PSMG2: variants seen among roughly 807,000 people sequenced by gnomAD.
The protein encoded by PSMG2 is proteasome assembly chaperone 2.
A neutral mutation model predicts 31.5 loss-of-function variants in PSMG2; 21 were observed. The observed-to-expected ratio is 0.67, with a 90% CI of 0.47 to 0.96. The LOEUF (loss-of-function observed/expected upper bound fraction) is 0.96. PSMG2 is among the 40% of genes least tolerant of loss of function. The probability of loss-of-function intolerance (pLI) is 0.00; values close to 1 mark genes in which losing one functional copy is unlikely to be tolerated. For synonymous variants in PSMG2, 120 were observed against 110.4 expected, an observed-to-expected ratio of 1.09 and a Z score of -0.54; for missense variants, 318 against 321.2, an observed-to-expected ratio of 0.99 and a Z score of 0.08.
intron 1 of PSMG2, among the ~76,000 whole-genome samples, chr18:12,666,902 T>C (rs2038815635): frequency 6.6e-6 from 1 of 152,152 alleles, no homozygotes; most frequent in Non-Finnish European, 1.5e-5. Context: ...TTTATTAATA[T>C]ATTGACAAAA....
chr18:12,672,721 A>G (rs1337126855), intron 1 of PSMG2: 1 of 969,754 alleles, frequency 1.0e-6, no homozygotes, highest in Non-Finnish European at 1.2e-6. Context: ...ACAACAAATC[A>G]CAGTGATAAA....
chr18:12,695,961 G>A (rs1452598748), intron 1 of PSMG2, among the ~76,000 whole-genome samples: 1 of 151,894 alleles, frequency 6.6e-6, no homozygotes, highest in African/African-American at 2.4e-5. Flanking sequence ...ATTACAGGCT[G>A]AGTAGAAATT....
chr18:12,696,001 G>C (rs181485577), intron 1 of PSMG2, among the ~76,000 whole-genome samples: 36 of 152,148 alleles, frequency 2.4e-4, no homozygotes, highest in Admixed American at 2.0e-4. Context: ...TAAAGAACTA[G>C]AAAACAAATA....
chr18:12,665,505 T>C (rs1715619275), intron 1 of PSMG2, among the ~76,000 whole-genome samples: 1 of 152,190 alleles, frequency 6.6e-6, no homozygotes, highest in Admixed American at 6.5e-5. Context: ...GTCTTTCCCT[T>C]ATGTGCCATA....
intron 1 of PSMG2, among the ~76,000 whole-genome samples, chr18:12,681,690 C>G (rs183848286): frequency 1.0e-3 from 156 of 151,966 alleles, no homozygotes; most frequent in African/African-American, 3.5e-3. Context: ...AAAATACATA[C>G]ATAAGAAAAA....
intron 1 of PSMG2, chr18:12,661,815 T>C (rs1450748712): frequency 1.3e-5 from 2 of 156,710 alleles, no homozygotes; most frequent in African/African-American, 4.8e-5. Context: ...AATGCCTTTA[T>C]GTTCAGGATA....
Position 12,706,700 on chromosome 18 carries a change from G to A in PSMG2, c.208G>A (p.Glu70Lys). 6.2e-7 allele frequency: 1 copy of A among 1,608,514 alleles called. No homozygotes were observed. The highest frequency in any genetic ancestry group is 1.3e-5 in the African/African-American group (1 of 74,968). ...PYATTEGNST[E>K]LSINAEVYSL... Reference sequence around the variant, plus strand: ...TGCGACCACAGAAGGAAATTCAACAGAACTTAGCATAAATGCTGAAGGTAT... The same window carrying A: ...TGCGACCACAGAAGGAAATTCAACAAAACTTAGCATAAATGCTGAAGGTAT... The change falls in exon 2 of 7, where the codon GAA (glutamate) becomes AAA (lysine). Residue 70 changes from glutamate to lysine, a missense_variant. Physicochemically the swap from Glu to Lys is moderately conservative, Grantham distance 56. Transcript: ENST00000317615.
chr18:12,704,761 G>A (rs1452311576), intron 1 of PSMG2, among the ~76,000 whole-genome samples: 1 of 152,164 alleles, frequency 6.6e-6, no homozygotes, highest in Admixed American at 6.5e-5. Context: ...CGTGCTGATG[G>A]GAATAATACA....
chr18:12,660,153 G>A (rs2038666305), intron 1 of PSMG2, among the ~76,000 whole-genome samples: 1 of 152,066 alleles, frequency 6.6e-6, no homozygotes, highest in Admixed American at 6.6e-5. Context: ...AATAAACTGA[G>A]GAATCTATGA....
In PSMG2 at chr18:12,706,705, T is replaced by C; in HGVS notation, c.213T>C (p.Leu71=). The C allele has an allele frequency of 2.5e-6, 4 of 1,607,864 alleles. No individual in the cohort carries two copies. The highest frequency in any genetic ancestry group is 3.4e-6 in the Non-Finnish European group (4 of 1,175,576). ...CCACAGAAGGAAATTCAACAGAACT[T>C]AGCATAAATGCTGAAGGTATGTAAG... is the stretch of plus-strand genomic sequence containing the variant. The part of the protein sequence containing the change: ...YATTEGNSTE[L]SINAEVYSLP... Residue 71 remains leucine, a synonymous_variant, in exon 2 of 7, where the codon CTT becomes CTC. Coordinates refer to ENST00000317615, the MANE Select transcript of PSMG2 (RefSeq NM_020232.5).
In PSMG2 at chr18:12,720,819, A is replaced by C. The variant is rs1191292944; in HGVS notation, c.581+136A>C. On this transcript the variant is annotated intron_variant, in intron 5 of 6. Transcript: ENST00000317615. Reference sequence around the variant, plus strand: ...TGTCTCAAACAAAAAACAACAACAAAAAAAACAAAATTAAGTCAGAGAATG... The same window carrying C: ...TGTCTCAAACAAAAAACAACAACAACAAAAACAAAATTAAGTCAGAGAATG... The C allele has an allele frequency of 2.7e-5, 24 of 896,620 alleles. 1 individual carries two copies. The highest frequency in any genetic ancestry group is 3.6e-5 in the Non-Finnish European group (22 of 612,938). The allele number at this position is 896,620 out of a possible 1,614,324, so 55.5% of individuals were successfully genotyped here. A position where few individuals can be genotyped will look rare whatever the true frequency, so the allele number is the denominator to read the frequency against.
intron 6 of PSMG2, 38 bp from the exon 7 acceptor site, chr18:12,725,401 A>C: frequency 1.4e-6 from 2 of 1,456,244 alleles, no homozygotes; most frequent in Middle Eastern, 1.8e-4. Context: ...TTTGATGGTA[A>C]AGTTTAAAGA....
chr18:12,695,852 CCACACACACA>C (rs375916938), intron 1 of PSMG2, among the ~76,000 whole-genome samples: 23 of 148,282 alleles, frequency 1.6e-4, no homozygotes, highest in African/African-American at 1.2e-4. Flanking sequence ...CATTCCTTCT[CCACACACACA>C]CACACACACA....
At chr18:12,723,343 G>A (rs912818012) in intron 5 of PSMG2, among the ~76,000 whole-genome samples, 7 of 152,070 alleles carry the variant, frequency 4.6e-5, no homozygotes, top group African/African-American at 1.2e-4. Flanking sequence ...AGCTTGAGGC[G>A]TTTATAGTAT....
rs983870145 is a variant in PSMG2 at position 12,720,835 on chromosome 18, T to C, written c.581+152T>C. On this transcript the variant is annotated intron_variant, in intron 5 of 6. Coordinates refer to ENST00000317615, the MANE Select transcript of PSMG2 (RefSeq NM_020232.5). The stretch of plus-strand genomic sequence containing the variant: ...CAACAACAAAAAAAACAAAATTAAG[T>C]CAGAGAATGTATTGGATTACTTACT... 13 of 806,178 alleles carry C rather than the reference T, an allele frequency of 1.6e-5. No individual in the cohort carries two copies. In the African/African-American group the frequency reaches 2.3e-4, roughly 14 times the overall value. 49.9% of individuals were successfully genotyped at this position (806,178 alleles called of 1,614,324 possible). A position where few individuals can be genotyped will look rare whatever the true frequency, so the allele number is the denominator to read the frequency against.
At chr18:12,696,321 G>A (rs2039956270) in intron 1 of PSMG2, among the ~76,000 whole-genome samples, 1 of 152,054 alleles carries the variant, frequency 6.6e-6, no homozygotes. Context: ...CGGCCAACAT[G>A]GTGAAACCCC....
chr18:12,670,025 A>T lies in PSMG2; in HGVS notation c.-37+11252A>T, dbSNP rs147480959. ...AAAAAAAGAAAAGAAAAAGAAAAAG[A>T]AAAATTATTAGTAAGAAGAATAGGC... On this transcript the variant is annotated intron_variant, in intron 1 of 6. Transcript: ENST00000585331. Among the ~76,000 whole-genome samples the T allele has an allele frequency of 2.6e-3, 388 of 150,602 alleles. 1 individual carries two copies. The highest frequency in any genetic ancestry group is 9.1e-3 in the African/African-American group (373 of 40,964).
chr18:12,687,775 CAG>C (rs1369141662), intron 1 of PSMG2, among the ~76,000 whole-genome samples: 1 of 151,332 alleles, frequency 6.6e-6, no homozygotes. Context: ...ATTTTTAAAA[CAG>C]AGGATTATTA....
intron 1 of PSMG2, among the ~76,000 whole-genome samples, chr18:12,687,835 A>G (rs2039597820): frequency 2.0e-5 from 3 of 152,234 alleles, no homozygotes; most frequent in African/African-American, 7.2e-5. Flanking sequence ...TTTTACATGA[A>G]CTTAGCATTA....
Sources: allele counts gnomAD v4.1 joint callset (sites outside exome capture counted in the v4.1 genomes callset), GRCh38; gene constraint gnomAD v4.1.1; transcripts MANE v1.5; gene names NCBI Gene and HGNC (gene_info 2026-07-23, HGNC 2026-07-21).